The following KIF2C variants were observed in gnomAD, a reference collection of about 807,000 sequenced individuals.
KIF2C encodes kinesin family member 2C, also known as kinesin-like protein KIF2C.
Under a neutral mutation model 97.4 loss-of-function variants are expected in KIF2C, and 34 were observed. The ratio of observed to expected loss-of-function variants is 0.35; its 90% confidence interval spans 0.27 to 0.46. KIF2C has a LOEUF of 0.46. Among genes scored for constraint, KIF2C ranks in the 20% least tolerant of loss-of-function variants. The pLI, the probability that KIF2C is intolerant of heterozygous loss-of-function variation, is 1.00. For synonymous variants in KIF2C, 313 were observed against 318.2 expected (o/e 0.98, Z 0.17); for missense variants, 750 against 907.6 (o/e 0.83, Z 2.23).
intron 19 of KIF2C, among the ~76,000 whole-genome samples, chr1:44,765,404 CAT>C (rs1650398699): frequency 6.6e-6 from 1 of 152,098 alleles, no homozygotes; most frequent in African/African-American, 2.4e-5. Flanking sequence ...TTCATGTATA[CAT>C]ATGTAACAAA....
intron 17 of KIF2C, 121 bp downstream of exon 17, chr1:44,762,104 C>G: frequency 1.1e-5 from 11 of 982,322 alleles, no homozygotes. Context: ...TGACTCTGAA[C>G]CTGAGGCTTG....
chr1:44,754,326 C>G lies in KIF2C; in HGVS notation c.664-424C>G, dbSNP rs756787048. 1.0e-3 allele frequency among the ~76,000 whole-genome samples: 154 copies of G among 152,140 alleles called. 5 individuals are homozygous for G. The highest frequency in any genetic ancestry group is 2.4e-4 in the Non-Finnish European group (16 of 68,028). On this transcript the variant is annotated intron_variant, in intron 7 of 20. Transcript: ENST00000372224. Reference sequence around the variant, plus strand: ...GAAGGCCCTCAGATGAGGAACATTTCATGCTGACTGTCTAGTAAGCAAGCC... The same window carrying G: ...GAAGGCCCTCAGATGAGGAACATTTGATGCTGACTGTCTAGTAAGCAAGCC...
At chr1:44,759,040 G>C (rs1649998563) in intron 13 of KIF2C, 166 bp from the exon 14 acceptor site, 2 of 824,896 alleles carry the variant, frequency 2.4e-6, no homozygotes, top group Non-Finnish European at 1.9e-6. Flanking sequence ...GTTCGGCTCA[G>C]ATCCCAAGTA....
In KIF2C at chr1:44,755,946, ATG is replaced by A. The variant is rs1649805384; in HGVS notation, c.781_782del (p.Val261LeufsTer3). The A allele has an allele frequency of 7.4e-6, 12 of 1,613,950 alleles. No homozygotes were observed. The highest frequency in any genetic ancestry group is 9.3e-6 in the Non-Finnish European group (11 of 1,180,000). ...MTDPIEEHRI[C>X]VCVRKRPLNK... Reference sequence around the variant, plus strand: ...GCTTGCAGATCGAAGAGCACAGAATATGTGTCTGTGTTAGGAAACGCCCACTG... The same window carrying A: ...GCTTGCAGATCGAAGAGCACAGAATATGTCTGTGTTAGGAAACGCCCACTG... On this transcript the variant is annotated frameshift_variant, in exon 9 of 21. Coordinates refer to ENST00000372224, the MANE Select transcript of KIF2C (RefSeq NM_006845.4). LOFTEE classifies it high-confidence loss of function.
Position 44,760,119 on chromosome 1 carries a change from G to A in KIF2C, c.1368-161G>A, listed in dbSNP as rs912361976. Among the ~76,000 whole-genome samples the A allele has an allele frequency of 6.6e-6, 1 of 152,162 alleles. No individual in the cohort carries two copies. The highest frequency in any genetic ancestry group is 2.4e-5 in the African/African-American group (1 of 41,434). ...AAATGTATTAGGTCCAGAGCTGGAGGGAGAATTGCTACCCAGGGAGGGCAA... is the reference window on the plus strand; with the variant it reads ...AAATGTATTAGGTCCAGAGCTGGAGAGAGAATTGCTACCCAGGGAGGGCAA... On this transcript the variant is annotated intron_variant, in intron 14 of 20. Coordinates refer to ENST00000372224, the MANE Select transcript of KIF2C (RefSeq NM_006845.4). This position sits in a 1 kb window ranked among gnomAD's most constrained non-coding sequence, Gnocchi z 4.2.
chr1:44,753,958 CTTTTTTTTTTTTTT>C lies in KIF2C; in HGVS notation c.663+139_663+152del, dbSNP rs34685023. 2.5e-4 allele frequency: 17 copies of C among 67,914 alleles called. No individual in the cohort carries two copies. In the East Asian group the frequency reaches 3.9e-3, roughly 16 times the overall value. The allele number at this position is 67,914 out of a possible 1,614,324, so 4.2% of individuals were successfully genotyped here. A position where few individuals can be genotyped will look rare whatever the true frequency, so the allele number is the denominator to read the frequency against. On this transcript the variant is annotated intron_variant, in intron 7 of 20. Coordinates refer to ENST00000372224, the MANE Select transcript of KIF2C (RefSeq NM_006845.4). Reference sequence around the variant, plus strand: ...GGCTCCAGTTCTTGAGGCCCCAATTCTTTTTTTTTTTTTTTTTTTTTTTTTTTGCTCTGTTGCCC... The same window carrying C: ...GGCTCCAGTTCTTGAGGCCCCAATTCTTTTTTTTTTTTTGCTCTGTTGCCC...
At chr1:44,753,592 G>C (rs1649643435) in intron 6 of KIF2C, 141 bp from the exon 7 acceptor site, 1 of 609,614 alleles carries the variant, frequency 1.6e-6, no homozygotes, top group African/African-American at 1.9e-5. Context: ...TGCATATAGT[G>C]ATTTAAGAGT....
At chr1:44,762,071 A>G (rs1055252112) in intron 17 of KIF2C, 88 bp downstream of exon 17, 1 of 1,191,986 alleles carries the variant, frequency 8.4e-7, no homozygotes, top group Non-Finnish European at 1.3e-6. Context: ...CTGGGGCCTC[A>G]GGGCCTACTG....
At chr1:44,755,810 G>T in intron 8 of KIF2C, 119 bp from the exon 9 acceptor site, 1 of 831,966 alleles carries the variant, frequency 1.2e-6, no homozygotes, top group Non-Finnish European at 2.0e-6. Flanking sequence ...CCTAGTGTTA[G>T]ATCTTGGCCT....
chr1:44,749,279 C>CA (rs1215512360), intron 4 of KIF2C, among the ~76,000 whole-genome samples: 1 of 151,862 alleles, frequency 6.6e-6, no homozygotes, highest in Non-Finnish European at 1.5e-5. Flanking sequence ...ACTAAAAATA[C>CA]AAAAATTAGC....
rs1267913921 is a variant in KIF2C, at chr1:44,746,843, G to A, written c.166-541G>A. 2.3e-6 allele frequency: 3 copies of A among 1,303,958 alleles called. No individual in the cohort carries two copies. In the East Asian group the frequency reaches 7.5e-5, roughly 33 times the overall value. 80.8% of individuals were successfully genotyped at this position (1,303,958 alleles called of 1,614,324 possible). A position where few individuals can be genotyped will look rare whatever the true frequency, so the allele number is the denominator to read the frequency against. On this transcript the variant is annotated intron_variant, in intron 2 of 20. Coordinates refer to ENST00000372224, the MANE Select transcript of KIF2C (RefSeq NM_006845.4). ...TAAAGTTGGTAAAGTTTGAATTTAG[G>A]GGTACCCCTGTCTATAGAAATTTAA...
chr1:44,740,175 T>A, intron 1 of KIF2C, 173 bp downstream of exon 1: 1 of 756,824 alleles, frequency 1.3e-6, no homozygotes, highest in Non-Finnish European at 2.3e-6. Flanking sequence ...TACACAGGGG[T>A]GAGAGTCCCT....
chr1:44,741,483 G>A (rs1305554265), intron 2 of KIF2C, among the ~76,000 whole-genome samples: 4 of 151,778 alleles, frequency 2.6e-5, no homozygotes, highest in Admixed American at 1.3e-4. Flanking sequence ...TCAGGAGTTC[G>A]AGACCAGCCT....
At chr1:44,758,844 C>G (rs1156527654) in intron 13 of KIF2C, among the ~76,000 whole-genome samples, 3 of 152,108 alleles carry the variant, frequency 2.0e-5, no homozygotes, top group East Asian at 3.8e-4. Context: ...CCATTGCACT[C>G]CAGCCTGGGC....
Position 44,767,176 on chromosome 1 carries a change from G to T in KIF2C, c.2175G>T (p.Gln725His). The T allele has an allele frequency of 6.2e-7, 1 of 1,614,000 alleles. No individual in the cohort carries two copies. The highest frequency in any genetic ancestry group is 1.1e-5 in the South Asian group (1 of 91,060). ...AAATAAGCAGCAAGAAACGGCCCCA[G>T]TGACGACTGCAAATAAAAATCTGTT... is the stretch of plus-strand genomic sequence containing the variant. ...SRQISSKKRP[Q>H] The change falls in exon 21 of 21, where the codon CAG becomes CAT. Residue 725 changes from glutamine (Q) to histidine (H), a missense_variant. Coordinates refer to ENST00000372224, the MANE Select transcript of KIF2C (RefSeq NM_006845.4).
intron 5 of KIF2C, among the ~76,000 whole-genome samples, chr1:44,751,689 G>A (rs902744955): frequency 6.6e-6 from 1 of 151,040 alleles, no homozygotes; most frequent in Admixed American, 6.6e-5. Flanking sequence ...TGTCTTTTTA[G>A]TAGAGATGGG....
intron 4 of KIF2C, among the ~76,000 whole-genome samples, chr1:44,747,908 T>A (rs1306662978): frequency 6.6e-6 from 1 of 152,230 alleles, no homozygotes; most frequent in Non-Finnish European, 1.5e-5. Flanking sequence ...TTAGGAAATT[T>A]GCTGCCTGGC....
chr1:44,750,350 C>A, intron 4 of KIF2C, 92 bp from the exon 5 acceptor site: 1 of 1,268,140 alleles, frequency 7.9e-7, no homozygotes. Flanking sequence ...GTAGCTGGGA[C>A]CTATTTCACC....
intron 11 of KIF2C, 40 bp downstream of exon 11, chr1:44,757,686 G>A (rs1476350554): frequency 2.1e-6 from 3 of 1,402,784 alleles, no homozygotes; most frequent in South Asian, 2.3e-5. Flanking sequence ...CCTTTCCCTT[G>A]TGCACCCCTG....
Sources: allele counts gnomAD v4.1 joint callset (sites outside exome capture counted in the v4.1 genomes callset), GRCh38; gene constraint gnomAD v4.1.1; non-coding constraint Gnocchi (gnomAD v3.1); transcripts MANE v1.5; gene names NCBI Gene and HGNC (gene_info 2026-07-23, HGNC 2026-07-21).